Variants in ADGRA3 observed in about 807,000 individuals in gnomAD.
The protein encoded by ADGRA3 is adhesion G protein-coupled receptor A3, also known as G-protein coupled receptor 125.
In ADGRA3, 56 loss-of-function variants were observed where a neutral mutation model predicts 119.8. That is an observed-to-expected ratio of 0.47 (90% CI 0.38 to 0.58). The LOEUF (loss-of-function observed/expected upper bound fraction) is 0.58, where lower values mean the gene tolerates loss of function less well. Among genes scored for constraint, ADGRA3 ranks in the 20% least tolerant of loss-of-function variants. The probability of loss-of-function intolerance (pLI) is 0.00; values close to 1 mark genes in which losing one functional copy is unlikely to be tolerated. For missense variants in ADGRA3, 1,516 were observed against 1,649.0 expected (o/e 0.92, Z 1.40); for synonymous variants, 607 against 623.8 (o/e 0.97, Z 0.40).
At chr4:22,497,222 T>TGCAA (rs1718860853) in intron 1 of ADGRA3, among the ~76,000 whole-genome samples, 2 of 152,156 alleles carry the variant, frequency 1.3e-5, no homozygotes, top group African/African-American at 4.8e-5. Context: ...TGGGGGGAAA[T>TGCAA]GCAGGCAAGA....
chr4:22,489,145 C>T (rs1809331), intron 1 of ADGRA3, among the ~76,000 whole-genome samples: 94,746 of 151,980 alleles, frequency 0.62, 31,655 homozygotes, highest in East Asian at 0.89. Context: ...AAAGGCACAT[C>T]CTACATGGCA....
intron 2 of ADGRA3, among the ~76,000 whole-genome samples, chr4:22,471,614 G>A (rs977909343): frequency 1.3e-5 from 2 of 152,136 alleles, no homozygotes; most frequent in Non-Finnish European, 2.9e-5. Flanking sequence ...GGACCTTGAT[G>A]TGTGTGTACT....
At chr4:22,450,981 C>T (rs1040616331) in intron 4 of ADGRA3, among the ~76,000 whole-genome samples, 11 of 141,958 alleles carry the variant, frequency 7.7e-5, no homozygotes, top group African/African-American at 2.6e-4. Context: ...TACACCAGAT[C>T]ATTAATACAA....
At chr4:22,413,982 ACAC>A in intron 12 of ADGRA3, 168 bp from the exon 13 acceptor site, 1 of 534,534 alleles carries the variant, frequency 1.9e-6, no homozygotes. Flanking sequence ...CGAAATGTCA[ACAC>A]CACATAACAT....
At position 22,454,911 on chromosome 4, in the gene ADGRA3, C is replaced by T; in HGVS notation, c.428G>A (p.Cys143Tyr). ...RLDLTNNRIG[C>Y]LNADIFRGLT... ...TCCTCGAAATATGTCTGCATTCAGACATCCTATTCGATTGTTTGTCAGATC... is the reference window on the plus strand; with the variant it reads ...TCCTCGAAATATGTCTGCATTCAGATATCCTATTCGATTGTTTGTCAGATC... The change falls in exon 4 of 19, where the codon TGT becomes TAT. Residue 143 changes from cysteine (C) to tyrosine (Y), a missense_variant. Cys to Tyr is a radical substitution (Grantham distance 194). This residue lies in a region of ADGRA3 where 428 missense variants were observed against 541.9 expected (regional missense o/e 0.79). Transcript: ENST00000334304. The T allele has an allele frequency of 1.2e-6, 2 of 1,613,726 alleles. No homozygotes were observed. Among genetic ancestry groups the T allele is most frequent in the Non-Finnish European group, 1.7e-6 (2 of 1,179,646 alleles).
intron 10 of ADGRA3, among the ~76,000 whole-genome samples, chr4:22,427,752 A>G (rs1486085636): frequency 6.6e-6 from 1 of 152,208 alleles, no homozygotes; most frequent in Admixed American, 6.5e-5. Flanking sequence ...CTGAAATTTG[A>G]CACACAAAGC....
intron 1 of ADGRA3, among the ~76,000 whole-genome samples, chr4:22,490,677 G>GT (rs1718591804): frequency 6.6e-6 from 1 of 152,162 alleles, no homozygotes; most frequent in African/African-American, 2.4e-5. Flanking sequence ...TTGCTGAAAA[G>GT]TAAGATGATT....
chr4:22,394,631 C>T (rs528959278), intron 16 of ADGRA3: 1 of 152,144 alleles, frequency 6.6e-6, no homozygotes, highest in East Asian at 1.9e-4. Flanking sequence ...CTGGAGGTGT[C>T]TCTGACACAA....
At chr4:22,495,150 G>T (rs1577382350) in intron 1 of ADGRA3, among the ~76,000 whole-genome samples, 1 of 152,074 alleles carries the variant, frequency 6.6e-6, no homozygotes, top group East Asian at 1.9e-4. Flanking sequence ...AACCAAGCCA[G>T]CTACTAAGTG....
chr4:22,446,364 T>G (rs1716828268), intron 5 of ADGRA3, among the ~76,000 whole-genome samples: 1 of 152,196 alleles, frequency 6.6e-6, no homozygotes, highest in South Asian at 2.1e-4. Context: ...ACCCAGGGTC[T>G]CAAAAGCCAG....
chr4:22,486,672 T>C (rs1009418930), intron 1 of ADGRA3, among the ~76,000 whole-genome samples: 2 of 152,150 alleles, frequency 1.3e-5, no homozygotes, highest in African/African-American at 2.4e-5. Context: ...ACCTATTTTG[T>C]ATTTAGGGTC....
intron 1 of ADGRA3, among the ~76,000 whole-genome samples, chr4:22,509,441 T>C (rs1352876096): frequency 6.7e-6 from 1 of 149,246 alleles, no homozygotes; most frequent in Admixed American, 6.7e-5. Context: ...AGGCGGAGGC[T>C]GCAGTGAGCC....
intron 1 of ADGRA3, among the ~76,000 whole-genome samples, chr4:22,480,772 C>A (rs1394556921): frequency 1.3e-5 from 2 of 152,132 alleles, no homozygotes; most frequent in Admixed American, 6.5e-5. Flanking sequence ...TTATGGAATT[C>A]TTTTGTCTAT....
At chr4:22,430,880 G>A (rs1196772356) in intron 10 of ADGRA3, among the ~76,000 whole-genome samples, 4 of 152,266 alleles carry the variant, frequency 2.6e-5, no homozygotes, top group South Asian at 4.1e-4. Context: ...GTGTCTAGCA[G>A]CTGTATCCCA....
chr4:22,482,395 C>T (rs942432605), intron 1 of ADGRA3, among the ~76,000 whole-genome samples: 2 of 151,906 alleles, frequency 1.3e-5, no homozygotes, highest in Non-Finnish European at 2.9e-5. Flanking sequence ...GTGGCTTATA[C>T]CTATAATCCC....
At chr4:22,442,168 AT>A (rs1333850176) in intron 7 of ADGRA3, among the ~76,000 whole-genome samples, 1 of 152,082 alleles carries the variant, frequency 6.6e-6, no homozygotes, top group Non-Finnish European at 1.5e-5. Flanking sequence ...TTTATAAAGT[AT>A]TTTTACTTTT....
chr4:22,461,406 T>C (rs1717447026), intron 3 of ADGRA3, among the ~76,000 whole-genome samples: 2 of 152,252 alleles, frequency 1.3e-5, no homozygotes, highest in Non-Finnish European at 2.9e-5. Context: ...GTTCCAGTGA[T>C]TCTCCTGCCT....
chr4:22,475,746 T>A lies in ADGRA3; in HGVS notation c.258-1903A>T, dbSNP rs201792522. 8.6e-3 allele frequency among the ~76,000 whole-genome samples: 1,214 copies of A among 140,860 alleles called. 31 individuals are homozygous for A. Among genetic ancestry groups the A allele is most frequent in the East Asian group, 0.077 (374 of 4,884 alleles). The allele number at this position is 140,860 out of a possible 152,430, so 92.4% of individuals were successfully genotyped here. A position where few individuals can be genotyped will look rare whatever the true frequency, so the allele number is the denominator to read the frequency against. On this transcript the variant is annotated intron_variant, in intron 1 of 18. Transcript: ENST00000334304. ...CGTCTCGGAAAAAAAAATAAATAAA[T>A]AAAAAAAAAAGAATGACACATTGGA...
intron 12 of ADGRA3, among the ~76,000 whole-genome samples, chr4:22,419,635 C>A (rs1260745805): frequency 6.6e-6 from 1 of 152,088 alleles, no homozygotes; most frequent in Non-Finnish European, 1.5e-5. Context: ...TCCCTTTCTA[C>A]CAACTGTGAT....
Sources: allele counts gnomAD v4.1 joint callset (sites outside exome capture counted in the v4.1 genomes callset), GRCh38; gene constraint gnomAD v4.1.1; regional missense constraint gnomAD v4.1.1; transcripts MANE v1.5; gene names NCBI Gene and HGNC (gene_info 2026-07-23, HGNC 2026-07-21).